EP300: variants seen among roughly 807,000 people sequenced by gnomAD.
EP300 encodes histone acetyltransferase p300.
In EP300, 31 loss-of-function variants were observed where a neutral mutation model predicts 264.0. The ratio of observed to expected loss-of-function variants is 0.12; its 90% confidence interval spans 0.09 to 0.16. EP300 has a LOEUF of 0.16. EP300 is among the 10% of genes least tolerant of loss of function. EP300 has a pLI of 1.00. For synonymous variants in EP300, 1,340 were observed against 1,045.4 expected (o/e 1.28, Z -5.44); for missense variants, 2,766 against 3,052.9 (o/e 0.91, Z 2.21).
intron 2 of EP300, among the ~76,000 whole-genome samples, chr22:41,118,734 T>C (rs889877402): frequency 3.9e-5 from 6 of 151,916 alleles, no homozygotes; most frequent in Non-Finnish European, 8.8e-5. Flanking sequence ...GGCTAGAGGA[T>C]CGCTTGAGCC....
rs146165770 is a variant in EP300, at chr22:41,177,380, C to G, written c.5669C>G (p.Thr1890Ser). The G allele has an allele frequency of 1.1e-4, 178 of 1,614,102 alleles. No individual in the cohort carries two copies. In the African/African-American group the frequency reaches 2.1e-3, roughly 19 times the overall value. Residue 1890 changes from threonine to serine, a missense_variant, in exon 31 of 31, where the codon ACT (threonine) becomes AGT (serine). Coordinates refer to ENST00000263253, the MANE Select transcript of EP300 (RefSeq NM_001429.4). ...AGCATGCCACCCTACTTGCCCAGGACTCAAGCTGCTGGCCCTGTGTCCCAG... is the reference window on the plus strand; with the variant it reads ...AGCATGCCACCCTACTTGCCCAGGAGTCAAGCTGCTGGCCCTGTGTCCCAG... ...PNSMPPYLPR[T>S]QAAGPVSQGK...
At chr22:41,139,266 A>G (rs1048889499) in intron 8 of EP300, among the ~76,000 whole-genome samples, 4 of 152,140 alleles carry the variant, frequency 2.6e-5, no homozygotes, top group African/African-American at 9.7e-5. Context: ...GGAATTCTTC[A>G]GTGGTAGCAC....
intron 1 of EP300, among the ~76,000 whole-genome samples, chr22:41,101,401 T>G (rs963433261): frequency 6.6e-6 from 1 of 151,314 alleles, no homozygotes; most frequent in East Asian, 2.0e-4. Context: ...ATTTTTCATT[T>G]TCTTACATGG....
chr22:41,152,122 A>C, intron 15 of EP300, 84 bp from the exon 16 acceptor site: 3 of 1,581,826 alleles, frequency 1.9e-6, no homozygotes, highest in Non-Finnish European at 2.6e-6. Flanking sequence ...CATGGCATAG[A>C]TTTTGCATGA....
intron 6 of EP300, among the ~76,000 whole-genome samples, chr22:41,133,769 T>C (rs930707289): frequency 6.6e-6 from 1 of 152,232 alleles, no homozygotes; most frequent in Non-Finnish European, 1.5e-5. Context: ...TCTGTTTTTC[T>C]TTACTATATA....
At chr22:41,135,643 G>A (rs2058946236) in intron 6 of EP300, among the ~76,000 whole-genome samples, 170 bp from the exon 7 acceptor site, 1 of 151,940 alleles carries the variant, frequency 6.6e-6, no homozygotes, top group Non-Finnish European at 1.5e-5. Flanking sequence ...GTTTGTAAGG[G>A]TGCTTCAAAT....
At chr22:41,097,032 T>C (rs936526644) in intron 1 of EP300, among the ~76,000 whole-genome samples, 1 of 152,236 alleles carries the variant, frequency 6.6e-6, no homozygotes, top group South Asian at 2.1e-4. Flanking sequence ...TGCTATGTTT[T>C]ATTTTATTTT....
rs113329190 is a variant in EP300, at chr22:41,178,623, C to A, written c.6912C>A (p.Ser2304=). The change falls in exon 31 of 31, where the codon TCC becomes TCA. Residue 2304 remains serine, a synonymous_variant. Coordinates refer to ENST00000263253, the MANE Select transcript of EP300 (RefSeq NM_001429.4). ...GCCAGCAGATCCCTAATTCTCTCTC[C>A]AATCAAGTGCGCTCTCCCCAGCCTG... is the stretch of plus-strand genomic sequence containing the variant. ...LQGQQIPNSL[S]NQVRSPQPVP... is the part of the protein sequence containing the mutation. 1 of 1,614,144 alleles carries A rather than the reference C, an allele frequency of 6.2e-7. No individual in the cohort carries two copies. The highest frequency in any genetic ancestry group is 1.7e-5 in the Admixed American group (1 of 60,012).
In EP300 at chr22:41,158,443, A is replaced by G. The variant is rs1601625486; in HGVS notation, c.3533A>G (p.Tyr1178Cys). The G allele has an allele frequency of 2.5e-6, 4 of 1,614,200 alleles. No homozygotes were observed. The highest frequency in any genetic ancestry group is 3.4e-6 in the Non-Finnish European group (4 of 1,180,022). The change falls in exon 19 of 31, where the codon TAC becomes TGC. Residue 1178 changes from tyrosine to cysteine, a missense_variant. Tyr to Cys is a radical substitution (Grantham distance 194, BLOSUM62 -2). Coordinates refer to ENST00000263253, the MANE Select transcript of EP300 (RefSeq NM_001429.4). ...TTCTCTCCACAGACACTGTGTTGCT[A>G]CGGCAAACAGTTGTGCACAATACCT... ...LEFSPQTLCC[Y>C]GKQLCTIPRD...
At position 41,177,451 on chromosome 22, in the gene EP300, G is replaced by T; in HGVS notation, c.5740G>T (p.Ala1914Ser). 6.2e-7 allele frequency: 1 copy of T among 1,614,124 alleles called. No homozygotes were observed. The highest frequency in any genetic ancestry group is 8.5e-7 in the Non-Finnish European group (1 of 1,180,018). ...QVTPPTPPQT[A>S]QPPLPGPPPA... The stretch of plus-strand genomic sequence containing the variant: ...GACCCCTCCAACCCCTCCTCAGACT[G>T]CTCAGCCACCCCTTCCAGGGCCCCC... The change falls in exon 31 of 31, where the codon GCT becomes TCT. Residue 1914 changes from alanine to serine, a missense_variant. By Grantham distance (99) the Ala-to-Ser change is moderately conservative. Coordinates refer to ENST00000263253, the MANE Select transcript of EP300 (RefSeq NM_001429.4).
At chr22:41,146,685 T>C in intron 10 of EP300, 54 bp from the exon 11 acceptor site, 2 of 1,532,480 alleles carry the variant, frequency 1.3e-6, no homozygotes, top group Non-Finnish European at 1.8e-6. Context: ...AGTGAGTTTT[T>C]GTTTGGTTAA....
At chr22:41,176,715 T>C (rs909543974) in intron 30 of EP300, 58 bp from the exon 31 acceptor site, 1 of 1,613,370 alleles carries the variant, frequency 6.2e-7, no homozygotes, top group East Asian at 2.2e-5. Flanking sequence ...ATATCTAAAA[T>C]ACTTTTGAAT....
chr22:41,165,874 A>G (rs202233190), intron 22 of EP300, among the ~76,000 whole-genome samples: 24 of 151,852 alleles, frequency 1.6e-4, no homozygotes, highest in African/African-American at 3.9e-4. Context: ...GGTTCAGGCA[A>G]TTCTCCTGCC....
At chr22:41,162,267 G>A (rs1250482761) in intron 20 of EP300, among the ~76,000 whole-genome samples, 1 of 152,130 alleles carries the variant, frequency 6.6e-6, no homozygotes, top group Non-Finnish European at 1.5e-5. Context: ...CCTCATTTTT[G>A]TAAGGAAGTA....
chr22:41,173,801 C>T lies in EP300; in HGVS notation c.4779+17C>T. 1 of 1,613,756 alleles carries T rather than the reference C, an allele frequency of 6.2e-7. No individual in the cohort carries two copies. The highest frequency in any genetic ancestry group is 8.5e-7 in the Non-Finnish European group (1 of 1,179,798). On this transcript the variant is annotated intron_variant, in intron 29 of 30. Transcript: ENST00000263253. ...CATAAAGAGGTAAGATGCAGCCACC[C>T]AGAGTTGGGGAAAAACGGCAAGATT... is the stretch of plus-strand genomic sequence containing the variant.
At position 41,155,555 on chromosome 22, in the gene EP300, A is replaced by G. The variant is rs575971718; in HGVS notation, c.3261+442A>G. ...GGCCTAATTCAGGGAGTTTTAGTAT[A>G]TTCACAGAGTTGTGCATGACACTTT... On this transcript the variant is annotated intron_variant, in intron 17 of 30. Transcript: ENST00000263253. 2.0e-5 allele frequency among the ~76,000 whole-genome samples: 3 copies of G among 152,250 alleles called. No individual in the cohort carries two copies. The East Asian group carries it at 5.8e-4, about 29-fold the overall frequency.
chr22:41,143,266 A>G (rs1275463515), intron 10 of EP300, among the ~76,000 whole-genome samples: 1 of 152,176 alleles, frequency 6.6e-6, no homozygotes. Flanking sequence ...AGCCTGGGCA[A>G]CATGGTGAAA....
At chr22:41,157,454 T>A (rs2145748125) in intron 18 of EP300, 46 bp downstream of exon 18, 1 of 1,591,630 alleles carries the variant, frequency 6.3e-7, no homozygotes, top group Non-Finnish European at 8.6e-7. Context: ...CTGGGATACC[T>A]AGAATAATAT....
rs759984232 is a variant in EP300 at position 41,131,374 on chromosome 22, T to C, written c.1283-14T>C. The C allele has an allele frequency of 1.2e-6, 2 of 1,613,130 alleles. No individual in the cohort carries two copies. The highest frequency in any genetic ancestry group is 4.5e-5 in the East Asian group (2 of 44,876). On this transcript the variant is annotated splice_polypyrimidine_tract_variant and intron_variant, in intron 5 of 30. Coordinates refer to ENST00000263253, the MANE Select transcript of EP300 (RefSeq NM_001429.4). ...AGCATTAATTTGTAATACTATATCT[T>C]TTGTCTTCTCTAGCAATTTTGACTG...
Sources: allele counts gnomAD v4.1 joint callset (sites outside exome capture counted in the v4.1 genomes callset), GRCh38; gene constraint gnomAD v4.1.1; transcripts MANE v1.5; gene names NCBI Gene and HGNC (gene_info 2026-07-23, HGNC 2026-07-21).